STAT6: variants seen among roughly 807,000 people sequenced by gnomAD.
STAT6 encodes signal transducer and activator of transcription 6.
In STAT6, 45 loss-of-function variants were observed where a neutral mutation model predicts 106.3. The ratio of observed to expected loss-of-function variants is 0.42; its 90% CI spans 0.33 to 0.54. The LOEUF (loss-of-function observed/expected upper bound fraction) is 0.54, where lower values mean the gene tolerates loss of function less well. Ranked by LOEUF, STAT6 falls within the 20% of genes least tolerant of loss-of-function variation. The probability of loss-of-function intolerance (pLI) is 0.06; values close to 1 mark genes in which losing one functional copy is unlikely to be tolerated. For missense variants in STAT6, 797 were observed against 1,062.2 expected, an observed-to-expected ratio of 0.75 and a Z score of 3.47; for synonymous variants, 413 against 413.6, an observed-to-expected ratio of 1.00 and a Z score of 0.02.
chr12:57,096,390 G>A lies in STAT6; in HGVS notation c.*182C>T, dbSNP rs1415104958. 5 of 625,870 alleles carry A rather than the reference G, an allele frequency of 8.0e-6. No individual in the cohort carries two copies. The highest frequency in any genetic ancestry group is 1.4e-5 in the Non-Finnish European group (5 of 356,062). The allele number at this position is 625,870 out of a possible 1,614,324, so 38.8% of individuals were successfully genotyped here. ...GGGCAGGGGAATGATAGAAAGGAAG[G>A]AGTGGATTGGCTCCACCCACTGTGC... On this transcript the variant is annotated 3_prime_UTR_variant, in exon 22 of 22. Transcript: ENST00000300134.
In STAT6 at chr12:57,104,718, C is replaced by G; in HGVS notation, c.1089+8G>C. ...GTGCCCCCCTCACTGCACCCCAAAG[C>G]CCCTCACCAGGTTCTTGAACAGGGC... On this transcript the variant is annotated splice_region_variant and intron_variant, in intron 10 of 21. Transcript: ENST00000300134. The G allele has an allele frequency of 6.2e-7, 1 of 1,614,120 alleles. No individual in the cohort carries two copies. The highest frequency in any genetic ancestry group is 8.5e-7 in the Non-Finnish European group (1 of 1,180,000).
chr12:57,110,082 C>G (rs1398051110), intron 1 of STAT6: 1 of 152,356 alleles, frequency 6.6e-6, no homozygotes, highest in Non-Finnish European at 1.5e-5. Flanking sequence ...CTTACCCCTC[C>G]TGCTCAGGTT....
At chr12:57,106,614 CAGATT>C (rs1342169974) in intron 5 of STAT6, 34 bp from the exon 6 acceptor site, 1 of 1,613,896 alleles carries the variant, frequency 6.2e-7, no homozygotes, top group Non-Finnish European at 8.5e-7. Flanking sequence ...AGGGTGCAGA[CAGATT>C]AGAGGTTCAG....
Position 57,100,690 on chromosome 12 carries a change from AAGAAAGAAAG to A in STAT6, c.1513-610_1513-601del, listed in dbSNP as rs1442287734. Among the ~76,000 whole-genome samples, 72 of 42,222 alleles carry A rather than the reference AAGAAAGAAAG, an allele frequency of 1.7e-3. 1 individual carries two copies. The highest frequency in any genetic ancestry group is 0.015 in the Middle Eastern group (1 of 66). 27.7% of individuals were successfully genotyped at this position (42,222 alleles called of 152,430 possible). On this transcript the variant is annotated intron_variant, in intron 13 of 21. Coordinates refer to ENST00000300134, the MANE Select transcript of STAT6 (RefSeq NM_003153.5). ...AAAGAAAGAAAGAAAGAAAGAAAGAAAGAAAGAAAGAGAAAGAAAGAAAGAAAGAAAGAAA... is the reference window on the plus strand; with the variant it reads ...AAAGAAAGAAAGAAAGAAAGAAAGAAAGAAAGAAAGAAAGAAAGAAAGAAA...
At chr12:57,098,379 G>T in intron 19 of STAT6, 126 bp downstream of exon 19, 1 of 964,614 alleles carries the variant, frequency 1.0e-6, no homozygotes, top group Non-Finnish European at 1.7e-6. Flanking sequence ...TCATTAGAGT[G>T]GACAGAAGAG....
At chr12:57,100,704 A>G (rs865789694) in intron 13 of STAT6, 432 of 41,010 alleles carry the variant, frequency 0.011, 4 homozygotes, top group African/African-American at 0.017. Flanking sequence ...AAGAAAGAGA[A>G]AGAAAGAAAG....
chr12:57,099,719 C>T lies in STAT6; in HGVS notation c.1744+48G>A, dbSNP rs1163286048. Reference sequence around the variant, plus strand: ...GGACATTTCATTCCCAGAAGAAACCCCAGAGGGCACAGGCACAGAGACAGA... The same window carrying T: ...GGACATTTCATTCCCAGAAGAAACCTCAGAGGGCACAGGCACAGAGACAGA... On this transcript the variant is annotated intron_variant, in intron 15 of 21. Coordinates refer to ENST00000300134, the MANE Select transcript of STAT6 (RefSeq NM_003153.5). The surrounding 1 kb of genome is among the most constrained non-coding windows in gnomAD (Gnocchi z 4.7). The T allele has an allele frequency of 8.1e-6, 13 of 1,610,608 alleles. No homozygotes were observed. The highest frequency in any genetic ancestry group is 1.1e-5 in the Non-Finnish European group (13 of 1,178,070).
Position 57,099,722 on chromosome 12 carries a change from G to A in STAT6, c.1744+45C>T. On this transcript the variant is annotated intron_variant, in intron 15 of 21. Coordinates refer to ENST00000300134, the MANE Select transcript of STAT6 (RefSeq NM_003153.5). This position sits in a 1 kb window ranked among gnomAD's most constrained non-coding sequence, Gnocchi z 4.7. ...CATTTCATTCCCAGAAGAAACCCCAGAGGGCACAGGCACAGAGACAGAGGA... is the reference window on the plus strand; with the variant it reads ...CATTTCATTCCCAGAAGAAACCCCAAAGGGCACAGGCACAGAGACAGAGGA... The A allele has an allele frequency of 6.2e-7, 1 of 1,611,310 alleles. No homozygotes were observed. Among genetic ancestry groups the A allele is most frequent in the Non-Finnish European group, 8.5e-7 (1 of 1,178,286 alleles).
At chr12:57,108,485 T>C (rs1006259166) in intron 1 of STAT6, among the ~76,000 whole-genome samples, 186 bp from the exon 2 acceptor site, 3 of 152,122 alleles carry the variant, frequency 2.0e-5, no homozygotes, top group African/African-American at 7.2e-5. Flanking sequence ...CCTTCAGTGA[T>C]AGACACAGGG....
At position 57,099,929 on chromosome 12, in the gene STAT6, G is replaced by A. The variant is rs11614880; in HGVS notation, c.1608-26C>T. 6.2e-7 allele frequency: 1 copy of A among 1,614,084 alleles called. No homozygotes were observed. Among genetic ancestry groups the A allele is most frequent in the Admixed American group, 1.7e-5 (1 of 60,010 alleles). ...CTGGCCGGGATGAAGGAGAGGATGG[G>A]GCATGGGCAGTGAGTATGGAGGTGA... is the stretch of plus-strand genomic sequence containing the variant. On this transcript the variant is annotated intron_variant, in intron 14 of 21. Transcript: ENST00000300134. The surrounding 1 kb of genome is among the most constrained non-coding windows in gnomAD (Gnocchi z 4.7).
rs1193697877 is a variant in STAT6, at chr12:57,105,473, G to A, written c.807C>T (p.Val269=). 1 of 1,614,026 alleles carries A rather than the reference G, an allele frequency of 6.2e-7. No individual in the cohort carries two copies. Among genetic ancestry groups the A allele is most frequent in the South Asian group, 1.1e-5 (1 of 91,088 alleles). Residue 269 remains valine (V), a synonymous_variant, in exon 8 of 22, where the codon GTC becomes GTT. Coordinates refer to ENST00000300134, the MANE Select transcript of STAT6 (RefSeq NM_003153.5). ...TGGGAGCTCCCGGGGAATACCTGGT[G>A]ACGAGGGTTCTCAGGACTTCATCCA... The part of the protein sequence containing the change: ...GRLDEVLRTL[V]TSCFLVEKQP...
At position 57,096,845 on chromosome 12, in the gene STAT6, C is replaced by T. The variant is rs375600000; in HGVS notation, c.2354+5G>A. The T allele has an allele frequency of 6.2e-7, 1 of 1,614,012 alleles. No homozygotes were observed. Among genetic ancestry groups the T allele is most frequent in the African/African-American group, 1.3e-5 (1 of 74,948 alleles). ...CCCAGCCTCCACTCCCAAGCTGCCA[C>T]TCACCAAGTGCCCTGAGGAAACGCT... On this transcript the variant is annotated splice_donor_5th_base_variant and intron_variant, in intron 21 of 21. Coordinates refer to ENST00000300134, the MANE Select transcript of STAT6 (RefSeq NM_003153.5).
At chr12:57,110,238 T>C (rs1437414185) in intron 1 of STAT6, 1 of 152,192 alleles carries the variant, frequency 6.6e-6, no homozygotes, top group Non-Finnish European at 1.5e-5. Flanking sequence ...TCCCCAGCCA[T>C]CAGGAGGACA....
At chr12:57,108,448 G>C (rs2034405707) in intron 1 of STAT6, 149 bp from the exon 2 acceptor site, 1 of 593,640 alleles carries the variant, frequency 1.7e-6, no homozygotes, top group Admixed American at 2.7e-5. Flanking sequence ...GGGGCATCCT[G>C]AGTCAATGCC....
At chr12:57,097,169 G>T in intron 19 of STAT6, 36 bp from the exon 20 acceptor site, 3 of 1,491,522 alleles carry the variant, frequency 2.0e-6, no homozygotes, top group Non-Finnish European at 2.7e-6. Flanking sequence ...AGGAAGGCAG[G>T]CTAGGCAAAT....
intron 7 of STAT6, 96 bp from the exon 8 acceptor site, chr12:57,105,695 T>G: frequency 6.7e-7 from 1 of 1,482,492 alleles, no homozygotes. Flanking sequence ...GGCTATCATG[T>G]GTGGAGAAGT....
chr12:57,108,203 G>A lies in STAT6; in HGVS notation c.76C>T (p.Leu26=). The A allele has an allele frequency of 6.2e-7, 1 of 1,612,928 alleles. No individual in the cohort carries two copies. The highest frequency in any genetic ancestry group is 1.3e-5 in the African/African-American group (1 of 75,030). Residue 26 remains leucine, a synonymous_variant, in exon 2 of 22, where the codon CTG becomes TTG. Transcript: ENST00000300134. ...QRLYVDFPQH[L]RHLLGDWLES... Reference sequence around the variant, plus strand: ...AGCCAGTCACCCAGAAGATGCCGCAGGTGTTGGGGAAAGTCGACATAGAGC... The same window carrying A: ...AGCCAGTCACCCAGAAGATGCCGCAAGTGTTGGGGAAAGTCGACATAGAGC...
chr12:57,101,939 C>T (rs2033961391), intron 13 of STAT6, among the ~76,000 whole-genome samples: 1 of 152,228 alleles, frequency 6.6e-6, no homozygotes, highest in Non-Finnish European at 1.5e-5. Flanking sequence ...ACTGGGATTA[C>T]AGGCATGAGC....
intron 13 of STAT6, among the ~76,000 whole-genome samples, chr12:57,101,696 G>T (rs1301771584): frequency 2.9e-4 from 34 of 117,738 alleles, no homozygotes; most frequent in African/African-American, 1.0e-3. Flanking sequence ...ACAGAGTCTT[G>T]CTCTGTCACC....
Sources: gnomAD v4.1 joint callset for allele counts (sites outside exome capture counted in the v4.1 genomes callset) on GRCh38, gnomAD v4.1.1 for gene constraint, Gnocchi (gnomAD v3.1) non-coding constraint, MANE v1.5 for transcripts, NCBI Gene and HGNC (gene_info 2026-07-23, HGNC 2026-07-21) for gene names.